Variants in NCOR2 observed in about 807,000 individuals in gnomAD.
NCOR2 encodes the protein CTG repeat protein 26.
NCOR2 carries 81 observed loss-of-function variants against 262.9 expected under a neutral mutation model. The observed-to-expected ratio is 0.31, with a 90% confidence interval of 0.26 to 0.37. The LOEUF (loss-of-function observed/expected upper bound fraction) is 0.37, where lower values mean the gene tolerates loss of function less well. Among genes scored for constraint, NCOR2 ranks in the 10% least tolerant of loss-of-function variants. The pLI is 1.00. For missense variants in NCOR2, 3,385 were observed against 3,621.4 expected (o/e 0.93, Z 1.68); for synonymous variants, 1,659 against 1,559.3 (o/e 1.06, Z -1.51).
chr12:124,484,015 T>C (rs1482799530), intron 2 of NCOR2, among the ~76,000 whole-genome samples: 1 of 152,014 alleles, frequency 6.6e-6, no homozygotes, highest in Non-Finnish European at 1.5e-5. Flanking sequence ...TGTGCTACGG[T>C]GGCACTGGAA....
intron 1 of NCOR2, among the ~76,000 whole-genome samples, chr12:124,515,269 G>GT: frequency 6.6e-6 from 1 of 152,236 alleles, no homozygotes; most frequent in Non-Finnish European, 1.5e-5. Flanking sequence ...TTGGGAGGCT[G>GT]TGACAGGAGA....
At chr12:124,516,009 A>G (rs2049744165) in intron 1 of NCOR2, among the ~76,000 whole-genome samples, 1 of 152,192 alleles carries the variant, frequency 6.6e-6, no homozygotes, top group Non-Finnish European at 1.5e-5. Context: ...CTCTGTGGCC[A>G]ACCCAAGTGG....
At position 124,335,286 on chromosome 12, in the gene NCOR2, G is replaced by A. The variant is rs2035780343; in HGVS notation, c.6266-6C>T. 6.3e-7 allele frequency: 1 copy of A among 1,589,706 alleles called. No individual in the cohort carries two copies. The highest frequency in any genetic ancestry group is 8.5e-7 in the Non-Finnish European group (1 of 1,170,542). The stretch of plus-strand genomic sequence containing the variant: ...CCCGCCAAGCTTCACGGGGCCTGCA[G>A]GCAGAGCAGAGCTGGTCAGGGGGTG... On this transcript the variant is annotated splice_polypyrimidine_tract_variant and splice_region_variant and intron_variant, in intron 39 of 46. Transcript: ENST00000405201.
rs549164586 is a variant in NCOR2 at position 124,478,906 on chromosome 12, G to C, written c.411+4690C>G. On this transcript the variant is annotated intron_variant, in intron 3 of 46. Transcript: ENST00000405201. ...AGACAGAGACAGACACAGAGACTAA[G>C]AGAGATCCCAGAGGGCGCACCACAG... 3.9e-5 allele frequency among the ~76,000 whole-genome samples: 6 copies of C among 152,316 alleles called. No homozygotes were observed. In the East Asian group the frequency reaches 1.2e-3, roughly 29 times the overall value.
chr12:124,433,606 G>C (rs1415697801), intron 8 of NCOR2, among the ~76,000 whole-genome samples: 1 of 152,154 alleles, frequency 6.6e-6, no homozygotes, highest in Non-Finnish European at 1.5e-5. Flanking sequence ...TCTGCCTTCT[G>C]CCCAGAACAA....
At chr12:124,551,841 C>A (rs990440487) in intron 1 of NCOR2, among the ~76,000 whole-genome samples, 7 of 152,208 alleles carry the variant, frequency 4.6e-5, no homozygotes, top group Non-Finnish European at 1.0e-4. Context: ...ATGTGCCCTG[C>A]TGTTCTGAGA....
chr12:124,362,129 C>A lies in NCOR2; in HGVS notation c.3097G>T (p.Glu1033Ter). 7.7e-7 allele frequency: 1 copy of A among 1,300,278 alleles called. No homozygotes were observed. Among genetic ancestry groups the A allele is most frequent in the Non-Finnish European group, 9.8e-7 (1 of 1,024,498 alleles). The allele number at this position is 1,300,278 out of a possible 1,614,324, so 80.5% of individuals were successfully genotyped here. A position where few individuals can be genotyped will look rare whatever the true frequency, so the allele number is the denominator to read the frequency against. ...TCAGCCACTGGTGTGCACTCACCCTCCTTGTCGGCGGGGGGTGCCGGGCTC... is the reference window on the plus strand; with the variant it reads ...TCAGCCACTGGTGTGCACTCACCCTACTTGTCGGCGGGGGGTGCCGGGCTC... The change falls in exon 22 of 47, where the codon GAG (glutamate) becomes TAG (stop). Residue 1033 changes from glutamate (E) to a stop codon, truncating the protein, a stop_gained. Transcript: ENST00000405201. LOFTEE classifies it high-confidence loss of function.
chr12:124,528,621 G>A lies in NCOR2; in HGVS notation c.-118+6944C>T, dbSNP rs955573286. On this transcript the variant is annotated intron_variant, in intron 1 of 46. Coordinates refer to the NCOR2 transcript ENST00000404621. ...AGTGCCAAAGGACAGTGCTTGATCC[G>A]GAAGGCACAGCGTCTCCTCCACACC... is the stretch of plus-strand genomic sequence containing the variant. Among the ~76,000 whole-genome samples the A allele has an allele frequency of 6.6e-5, 10 of 152,188 alleles. No individual in the cohort carries two copies. In the East Asian group the frequency reaches 1.7e-3, roughly 26 times the overall value.
At chr12:124,506,617 G>A (rs935887770) in intron 1 of NCOR2, among the ~76,000 whole-genome samples, 10 of 151,746 alleles carry the variant, frequency 6.6e-5, no homozygotes, top group Admixed American at 3.3e-4. Context: ...CCCCACTTGC[G>A]TACTTCACAA....
At chr12:124,450,527 C>T (rs969608975) in intron 6 of NCOR2, among the ~76,000 whole-genome samples, 2 of 152,160 alleles carry the variant, frequency 1.3e-5, no homozygotes, top group Admixed American at 6.5e-5. Flanking sequence ...CTGCTCACAG[C>T]GGCCAGTGAG....
At chr12:124,349,509 G>C (rs935933889) in intron 28 of NCOR2, among the ~76,000 whole-genome samples, 2 of 152,194 alleles carry the variant, frequency 1.3e-5, no homozygotes, top group African/African-American at 4.8e-5. Context: ...ACGGAGATGA[G>C]AAACCTGGCT....
chr12:124,430,815 A>G (rs1249099932), intron 8 of NCOR2, 28 bp from the exon 11 acceptor site: 1 of 1,579,136 alleles, frequency 6.3e-7, no homozygotes, highest in Non-Finnish European at 8.6e-7. Flanking sequence ...GCACTGCGGA[A>G]GATGCTCCTG....
chr12:124,560,894 A>G (rs1308901820), intron 1 of NCOR2, among the ~76,000 whole-genome samples: 1 of 152,198 alleles, frequency 6.6e-6, no homozygotes, highest in Non-Finnish European at 1.5e-5. Flanking sequence ...TTGTTTTTCT[A>G]CATTCTCCCC....
At chr12:124,395,622 G>C (rs1475141360) in intron 16 of NCOR2, among the ~76,000 whole-genome samples, 1 of 152,202 alleles carries the variant, frequency 6.6e-6, no homozygotes, top group African/African-American at 2.4e-5. Flanking sequence ...CGTCCTCCCA[G>C]CCTCCGGATC....
chr12:124,528,049 G>A (rs1001571290), intron 1 of NCOR2, among the ~76,000 whole-genome samples: 17 of 152,180 alleles, frequency 1.1e-4, no homozygotes, highest in Admixed American at 2.0e-4. Context: ...GGCCTCCTGA[G>A]GTTTCACTGC....
intron 37 of NCOR2, among the ~76,000 whole-genome samples, chr12:124,338,414 A>G (rs1593113915): frequency 6.6e-6 from 1 of 151,268 alleles, no homozygotes. Flanking sequence ...AGGCTGAGGC[A>G]GGAGAATCAC....
At chr12:124,335,375 G>A in intron 39 of NCOR2, 95 bp from the exon 42 acceptor site, 1 of 1,504,934 alleles carries the variant, frequency 6.6e-7, no homozygotes, top group Non-Finnish European at 8.9e-7. Flanking sequence ...TCATGATCCA[G>A]CCAATTCCTT....
chr12:124,451,729 T>C (rs1294766252), intron 6 of NCOR2, among the ~76,000 whole-genome samples: 1 of 151,922 alleles, frequency 6.6e-6, no homozygotes, highest in Admixed American at 6.6e-5. Context: ...AGACGTGGAG[T>C]CCTGCAGCCT....
intron 13 of NCOR2, among the ~76,000 whole-genome samples, chr12:124,419,069 T>C (rs2043068196): frequency 6.6e-6 from 1 of 152,150 alleles, no homozygotes; most frequent in African/African-American, 2.4e-5. Context: ...GCATCTGCTC[T>C]GAGACGATGC....
Sources: gnomAD v4.1 joint callset for allele counts (sites outside exome capture counted in the v4.1 genomes callset) on GRCh38, gnomAD v4.1.1 for gene constraint, MANE v1.5 for transcripts, NCBI Gene and HGNC (gene_info 2026-07-23, HGNC 2026-07-21) for gene names.